Variants in GABRB1 observed in about 807,000 individuals in gnomAD.
GABRB1 encodes gamma-aminobutyric acid receptor subunit beta-1.
Under a neutral mutation model 51.6 loss-of-function variants are expected in GABRB1, and 17 were observed. That is an observed-to-expected ratio of 0.33 (90% CI 0.23 to 0.49). GABRB1 has a LOEUF of 0.49. GABRB1 is among the 20% of genes least tolerant of loss of function. GABRB1 has a pLI of 0.99. For synonymous variants in GABRB1, 247 were observed against 218.9 expected, an observed-to-expected ratio of 1.13 and a Z score of -1.14; for missense variants, 410 against 600.6, an observed-to-expected ratio of 0.68 and a Z score of 3.32.
intron 5 of GABRB1, among the ~76,000 whole-genome samples, chr4:47,398,004 T>C (rs1728238166): frequency 6.6e-6 from 1 of 152,220 alleles, no homozygotes; most frequent in African/African-American, 2.4e-5. Flanking sequence ...ACTTACGATG[T>C]TGAGTTTTCC....
At position 47,073,534 on chromosome 4, in the gene GABRB1, A is replaced by G. The variant is rs369884927; in HGVS notation, c.240+41050A>G. 1.4e-3 allele frequency among the ~76,000 whole-genome samples: 209 copies of G among 152,312 alleles called. 5 individuals carry two copies. The South Asian group carries it at 0.043, about 31-fold the overall frequency. On this transcript the variant is annotated intron_variant, in intron 3 of 8. Coordinates refer to ENST00000295454, the MANE Select transcript of GABRB1 (RefSeq NM_000812.4). ...GTGGTAGATGTAAGCCCAGTAAGAGAAAGTCACACAAGTAAAAGGAACACT... is the reference window on the plus strand; with the variant it reads ...GTGGTAGATGTAAGCCCAGTAAGAGGAAGTCACACAAGTAAAAGGAACACT...
intron 5 of GABRB1, among the ~76,000 whole-genome samples, chr4:47,346,503 G>C (rs1726094165): frequency 6.7e-6 from 1 of 149,914 alleles, no homozygotes; most frequent in Admixed American, 6.6e-5. Flanking sequence ...AAGATTTGTG[G>C]TAATAAGGCA....
intron 3 of GABRB1, among the ~76,000 whole-genome samples, chr4:47,133,957 A>G (rs1031397073): frequency 6.6e-6 from 1 of 152,192 alleles, no homozygotes; most frequent in African/African-American, 2.4e-5. Context: ...GGTATTTTAC[A>G]TGTTAAGAAG....
At chr4:47,398,776 T>TTTTG (rs1326056449) in intron 5 of GABRB1, among the ~76,000 whole-genome samples, 9 of 144,948 alleles carry the variant, frequency 6.2e-5, no homozygotes, top group Non-Finnish European at 1.3e-4. Flanking sequence ...TTTTTTTGTT[T>TTTTG]TTTGTTTGTT....
intron 4 of GABRB1, among the ~76,000 whole-genome samples, chr4:47,247,991 G>A (rs1721831496): frequency 6.6e-6 from 1 of 151,990 alleles, no homozygotes; most frequent in Admixed American, 6.6e-5. Flanking sequence ...TACTGATTTG[G>A]ATGCCCTTTG....
chr4:47,279,643 C>T (rs1409265077), intron 4 of GABRB1, among the ~76,000 whole-genome samples: 1 of 151,940 alleles, frequency 6.6e-6, no homozygotes, highest in African/African-American at 2.4e-5. Context: ...GAAGTAACCC[C>T]TGATTATATA....
chr4:47,193,362 A>C (rs964769217), intron 4 of GABRB1, among the ~76,000 whole-genome samples: 1 of 152,158 alleles, frequency 6.6e-6, no homozygotes, highest in Non-Finnish European at 1.5e-5. Context: ...ACTCAGGTGA[A>C]TCCGCCTGCC....
intron 3 of GABRB1, among the ~76,000 whole-genome samples, chr4:47,076,591 G>A (rs1300394023): frequency 2.0e-5 from 3 of 152,024 alleles, no homozygotes; most frequent in South Asian, 2.1e-4. Context: ...TTTAATGAAA[G>A]TCTTGCCTGA....
chr4:47,122,476 C>A (rs947208531), intron 3 of GABRB1, among the ~76,000 whole-genome samples: 6 of 152,094 alleles, frequency 3.9e-5, no homozygotes, highest in Non-Finnish European at 5.9e-5. Flanking sequence ...GTCAACTGAG[C>A]AACTGAAAGA....
At chr4:47,359,776 T>C (rs1726729913) in intron 5 of GABRB1, among the ~76,000 whole-genome samples, 1 of 152,138 alleles carries the variant, frequency 6.6e-6, no homozygotes, top group South Asian at 2.1e-4. Flanking sequence ...TCATTCTGCC[T>C]TTCTGTTAAT....
At chr4:47,112,535 A>T (rs1322329217) in intron 3 of GABRB1, among the ~76,000 whole-genome samples, 1 of 152,216 alleles carries the variant, frequency 6.6e-6, no homozygotes, top group Non-Finnish European at 1.5e-5. Flanking sequence ...CCAACTATTT[A>T]AAATTTGAAG....
At chr4:47,102,034 G>A (rs1714746430) in intron 3 of GABRB1, among the ~76,000 whole-genome samples, 1 of 151,934 alleles carries the variant, frequency 6.6e-6, no homozygotes, top group South Asian at 2.1e-4. Flanking sequence ...TTAATTAGAA[G>A]AGAACCTGGT....
chr4:47,064,626 G>A (rs1360886580), intron 3 of GABRB1, among the ~76,000 whole-genome samples: 4 of 120,546 alleles, frequency 3.3e-5, no homozygotes, highest in Non-Finnish European at 4.9e-5. Flanking sequence ...AAATAAGAGC[G>A]AGGAGACTCC....
intron 5 of GABRB1, among the ~76,000 whole-genome samples, chr4:47,361,607 G>A (rs62297820): frequency 0.057 from 8,627 of 152,214 alleles, 313 homozygotes; most frequent in Admixed American, 0.1. Flanking sequence ...GAAGTGACTA[G>A]ACCAGTTCAG....
intron 4 of GABRB1, among the ~76,000 whole-genome samples, chr4:47,275,894 A>G (rs559041470): frequency 6.6e-6 from 1 of 152,260 alleles, no homozygotes; most frequent in Non-Finnish European, 1.5e-5. Flanking sequence ...CCCTCATGTA[A>G]CTGTGTTAGT....
chr4:47,305,316 A>C (rs1205438875), intron 4 of GABRB1, among the ~76,000 whole-genome samples: 2 of 152,224 alleles, frequency 1.3e-5, no homozygotes, highest in Admixed American at 6.6e-5. Flanking sequence ...ATGGACTAAA[A>C]ATGATTTTTA....
At chr4:47,041,357 A>C (rs545611153) in intron 3 of GABRB1, among the ~76,000 whole-genome samples, 1 of 152,252 alleles carries the variant, frequency 6.6e-6, no homozygotes, top group Admixed American at 6.5e-5. Flanking sequence ...TTATTCATAG[A>C]TTATACTATT....
At chr4:47,349,375 T>A (rs1229730286) in intron 5 of GABRB1, among the ~76,000 whole-genome samples, 1 of 152,084 alleles carries the variant, frequency 6.6e-6, no homozygotes, top group Non-Finnish European at 1.5e-5. Flanking sequence ...CATGGAGTGT[T>A]GAGTCACAGA....
At chr4:47,228,159 C>A (rs961134126) in intron 4 of GABRB1, among the ~76,000 whole-genome samples, 6 of 152,062 alleles carry the variant, frequency 3.9e-5, no homozygotes, top group African/African-American at 1.4e-4. Context: ...TCTCAGCAGC[C>A]GTTGGAATCA....
Sources: allele counts gnomAD v4.1 joint callset (sites outside exome capture counted in the v4.1 genomes callset), GRCh38; gene constraint gnomAD v4.1.1; transcripts MANE v1.5; gene names NCBI Gene and HGNC (gene_info 2026-07-23, HGNC 2026-07-21).